The following RBFOX1 variants were observed in gnomAD, a reference collection of about 807,000 sequenced individuals.
RBFOX1 encodes the protein RNA binding fox-1 homolog 1.
A neutral mutation model predicts 57.7 loss-of-function variants in RBFOX1; 8 were observed. That is an observed-to-expected ratio of 0.14 (90% CI 0.08 to 0.25). The LOEUF (loss-of-function observed/expected upper bound fraction) is 0.25. RBFOX1 is among the 10% of genes least tolerant of loss of function. The probability of loss-of-function intolerance (pLI) is 1.00; values close to 1 mark genes in which losing one functional copy is unlikely to be tolerated. For synonymous variants in RBFOX1, 326 were observed against 222.4 expected (o/e 1.47, Z -4.15); for missense variants, 611 against 548.5 (o/e 1.11, Z -1.14).
At chr16:7,118,136 C>G (rs915118661) in intron 4 of RBFOX1, among the ~76,000 whole-genome samples, 1 of 152,160 alleles carries the variant, frequency 6.6e-6, no homozygotes, top group East Asian at 1.9e-4. Flanking sequence ...CTATTTTTAG[C>G]TCTTTGAGAA....
At chr16:6,999,017 C>T (rs1019007849) in intron 3 of RBFOX1, among the ~76,000 whole-genome samples, 4 of 151,262 alleles carry the variant, frequency 2.6e-5, no homozygotes, top group African/African-American at 9.7e-5. Context: ...TACAAGCATC[C>T]ACTACCATGC....
chr16:6,907,732 G>C (rs1383762813), intron 3 of RBFOX1, among the ~76,000 whole-genome samples: 1 of 151,732 alleles, frequency 6.6e-6, no homozygotes, highest in Non-Finnish European at 1.5e-5. Context: ...CACCATGCTT[G>C]GCTTATTTTT....
chr16:5,831,759 C>A (rs2056283774), intron 3 of RBFOX1, among the ~76,000 whole-genome samples: 1 of 152,024 alleles, frequency 6.6e-6, no homozygotes, highest in African/African-American at 2.4e-5. Context: ...TTATAAATTA[C>A]CCCGTGTCAA....
At chr16:7,358,741 A>G (rs1295767784) in intron 4 of RBFOX1, among the ~76,000 whole-genome samples, 1 of 152,166 alleles carries the variant, frequency 6.6e-6, no homozygotes, top group Non-Finnish European at 1.5e-5. Flanking sequence ...TTTTATATGA[A>G]TAAAGTAGTC....
chr16:6,667,210 C>A (rs1037389604), intron 3 of RBFOX1, among the ~76,000 whole-genome samples: 1 of 152,118 alleles, frequency 6.6e-6, no homozygotes, highest in Non-Finnish European at 1.5e-5. Flanking sequence ...ACCTAAACGA[C>A]AGATGATGAG....
chr16:6,649,473 G>T (rs1394606122), intron 2 of RBFOX1, among the ~76,000 whole-genome samples: 1 of 152,142 alleles, frequency 6.6e-6, no homozygotes, highest in African/African-American at 2.4e-5. Flanking sequence ...CACCCAAGCA[G>T]TGTACACCGT....
chr16:6,577,797 C>A (rs1385784797), intron 2 of RBFOX1, among the ~76,000 whole-genome samples: 1 of 152,198 alleles, frequency 6.6e-6, no homozygotes, highest in Non-Finnish European at 1.5e-5. Flanking sequence ...CTTTTCCCTC[C>A]TGTATCCCTA....
intron 2 of RBFOX1, among the ~76,000 whole-genome samples, chr16:5,524,873 T>A (rs1272585078): frequency 6.6e-6 from 1 of 152,084 alleles, no homozygotes; most frequent in Non-Finnish European, 1.5e-5. Context: ...ACGCTTGTGC[T>A]ACTTACTCAG....
intron 4 of RBFOX1, among the ~76,000 whole-genome samples, chr16:7,221,060 C>T (rs951970385): frequency 1.3e-5 from 2 of 152,098 alleles, no homozygotes; most frequent in Non-Finnish European, 2.9e-5. Context: ...GGTGTGTTCG[C>T]TGTCTTCATT....
At chr16:6,428,779 C>T (rs1270858960) in intron 2 of RBFOX1, among the ~76,000 whole-genome samples, 1 of 152,116 alleles carries the variant, frequency 6.6e-6, no homozygotes, top group African/African-American at 2.4e-5. Flanking sequence ...CATTTTTATT[C>T]TATATAATAC....
Position 6,830,660 on chromosome 16 carries a change from G to A in RBFOX1, c.-16+176010G>A, listed in dbSNP as rs9934837. Among the ~76,000 whole-genome samples the A allele has an allele frequency of 8.2e-3, 1,243 of 152,260 alleles. 16 individuals are homozygous for A. Among genetic ancestry groups the A allele is most frequent in the African/African-American group, 0.028 (1,176 of 41,552 alleles). The stretch of plus-strand genomic sequence containing the variant: ...GTATATAGAACAGCTCTTACACAAA[G>A]ACTTCCCCAAGCCAAAATAGCAACA... On this transcript the variant is annotated intron_variant, in intron 3 of 15. Transcript: ENST00000550418.
chr16:6,023,641 C>T (rs1159266386), intron 1 of RBFOX1, among the ~76,000 whole-genome samples: 2 of 152,294 alleles, frequency 1.3e-5, no homozygotes, highest in East Asian at 3.9e-4. Flanking sequence ...AATCCTAGCA[C>T]GTTTGCTCTG....
intron 3 of RBFOX1, among the ~76,000 whole-genome samples, chr16:5,728,769 C>T (rs961991718): frequency 1.3e-5 from 2 of 152,126 alleles, no homozygotes; most frequent in Non-Finnish European, 2.9e-5. Context: ...TGCAGAGTCC[C>T]TGATGAGCTA....
intron 3 of RBFOX1, among the ~76,000 whole-genome samples, chr16:5,784,768 C>G (rs577528513): frequency 6.6e-6 from 1 of 152,094 alleles, no homozygotes; most frequent in Non-Finnish European, 1.5e-5. Context: ...GGAAGAGGCC[C>G]CAGAGAGCTG....
chr16:6,889,492 T>G (rs1487868622), intron 3 of RBFOX1, among the ~76,000 whole-genome samples: 8 of 152,172 alleles, frequency 5.3e-5, no homozygotes, highest in Admixed American at 5.2e-4. Flanking sequence ...AAAATAGGCA[T>G]GTATTTTGAG....
intron 3 of RBFOX1, among the ~76,000 whole-genome samples, chr16:6,813,502 C>G (rs989918385): frequency 3.9e-5 from 6 of 152,148 alleles, no homozygotes; most frequent in East Asian, 1.9e-4. Flanking sequence ...CTTTCCCCAG[C>G]CCTATGCTAT....
intron 1 of RBFOX1, among the ~76,000 whole-genome samples, chr16:5,254,662 G>C (rs1445773270): frequency 8.5e-5 from 13 of 152,138 alleles, no homozygotes; most frequent in African/African-American, 2.2e-4. Flanking sequence ...CTTCCCACCT[G>C]CATCCCCCAC....
At chr16:7,286,975 G>A (rs2095662994) in intron 4 of RBFOX1, among the ~76,000 whole-genome samples, 1 of 152,154 alleles carries the variant, frequency 6.6e-6, no homozygotes, top group African/African-American at 2.4e-5. Flanking sequence ...AGGTCAGGGT[G>A]AAGCTACATA....
At chr16:6,955,199 C>T (rs912141175) in intron 3 of RBFOX1, among the ~76,000 whole-genome samples, 2 of 152,026 alleles carry the variant, frequency 1.3e-5, no homozygotes, top group African/African-American at 2.4e-5. Context: ...TGAGATGGCA[C>T]CACTGTACTC....
Sources: gnomAD v4.1 joint callset for allele counts (sites outside exome capture counted in the v4.1 genomes callset) on GRCh38, gnomAD v4.1.1 for gene constraint, MANE v1.5 for transcripts, NCBI Gene and HGNC (gene_info 2026-07-23, HGNC 2026-07-21) for gene names.